The following ARFIP1 variants were observed in gnomAD, a reference collection of about 807,000 sequenced individuals.
ARFIP1 encodes the protein ARF interacting protein 1.
Under a neutral mutation model 42.5 loss-of-function variants are expected in ARFIP1, and 24 were observed. The ratio of observed to expected loss-of-function variants is 0.57; its 90% confidence interval spans 0.41 to 0.80. ARFIP1 has a LOEUF of 0.80. Among genes scored for constraint, ARFIP1 ranks in the 30% least tolerant of loss-of-function variants. ARFIP1 has a pLI of 0.00. For synonymous variants in ARFIP1, 141 were observed against 153.7 expected (o/e 0.92, Z 0.61); for missense variants, 354 against 434.0 (o/e 0.82, Z 1.64).
rs1734223843 is a variant in ARFIP1, at chr4:152,865,161, G to A, written c.202+1447G>A. ...TTCTGTATTTTTTTTTTTTAAAGAT[G>A]TAGTCTCACTCTGTTGCCCAGGCTG... On this transcript the variant is annotated intron_variant, in intron 3 of 8. Coordinates refer to ENST00000353617, the MANE Select transcript of ARFIP1 (RefSeq NM_001025595.3). Among the ~76,000 whole-genome samples the A allele has an allele frequency of 6.0e-5, 9 of 150,546 alleles. 1 individual carries two copies. In the South Asian group the frequency reaches 1.9e-3, roughly 32 times the overall value.
At chr4:152,864,896 G>A (rs1476432253) in intron 3 of ARFIP1, among the ~76,000 whole-genome samples, 1 of 136,914 alleles carries the variant, frequency 7.3e-6, no homozygotes, top group Non-Finnish European at 1.6e-5. Context: ...GCTTTTACTT[G>A]TGATAACTTT....
intron 1 of ARFIP1, among the ~76,000 whole-genome samples, chr4:152,803,212 A>G (rs1454726133): frequency 5.3e-5 from 8 of 152,126 alleles, no homozygotes; most frequent in Admixed American, 4.6e-4. Flanking sequence ...GTACTGAGAA[A>G]GTTTGCTGGA....
At chr4:152,908,235 C>A (rs766078620) in intron 8 of ARFIP1, among the ~76,000 whole-genome samples, 1 of 152,154 alleles carries the variant, frequency 6.6e-6, no homozygotes. Context: ...GATACACATT[C>A]TTTGCCAGTT....
intron 2 of ARFIP1, among the ~76,000 whole-genome samples, chr4:152,842,970 T>G (rs1449844189): frequency 1.3e-5 from 2 of 152,270 alleles, no homozygotes; most frequent in South Asian, 2.1e-4. Flanking sequence ...TGTGTGATTT[T>G]TTGGGGGGAT....
At chr4:152,783,128 G>T (rs1730601487) in intron 1 of ARFIP1, among the ~76,000 whole-genome samples, 1 of 152,106 alleles carries the variant, frequency 6.6e-6, no homozygotes, top group Non-Finnish European at 1.5e-5. Context: ...GGCCAACATG[G>T]TGAAACCCCA....
intron 1 of ARFIP1, chr4:152,796,569 C>T (rs1398745933): frequency 6.2e-6 from 5 of 803,624 alleles, no homozygotes; most frequent in Non-Finnish European, 1.1e-5. Context: ...CTCTGTCCTG[C>T]TGATAGGCAG....
At chr4:152,809,870 A>G (rs1729310812) in intron 1 of ARFIP1, 1 of 152,242 alleles carries the variant, frequency 6.6e-6, no homozygotes, top group Admixed American at 6.5e-5. Context: ...GCACTGGAGC[A>G]GTAGTCATGG....
At chr4:152,810,547 G>A (rs991162494) in intron 1 of ARFIP1, among the ~76,000 whole-genome samples, 4 of 151,932 alleles carry the variant, frequency 2.6e-5, no homozygotes, top group African/African-American at 9.7e-5. Context: ...GGTGGCTCAC[G>A]CCTGTAATGG....
At chr4:152,856,476 T>C (rs911855176) in intron 2 of ARFIP1, among the ~76,000 whole-genome samples, 1 of 152,202 alleles carries the variant, frequency 6.6e-6, no homozygotes, top group Non-Finnish European at 1.5e-5. Flanking sequence ...TTAAAAACAA[T>C]ATAGTATAAC....
In ARFIP1 at chr4:152,910,250, G is replaced by A. The variant is rs117074277; in HGVS notation, c.*31G>A. 3,612 of 1,604,412 alleles carry A rather than the reference G, an allele frequency of 2.3e-3. 13 individuals carry two copies. Among genetic ancestry groups the A allele is most frequent in the East Asian group, 0.011 (502 of 44,758 alleles). ...CAGCGGAAAATAAAAAGAAAGTCGC[G>A]TTGTTATATTTCTAAACCAACCTAA... On this transcript the variant is annotated 3_prime_UTR_variant, in exon 9 of 9. Coordinates refer to ENST00000353617, the MANE Select transcript of ARFIP1 (RefSeq NM_001025595.3).
At chr4:152,859,279 C>T (rs1046503565) in intron 2 of ARFIP1, among the ~76,000 whole-genome samples, 1 of 152,160 alleles carries the variant, frequency 6.6e-6, no homozygotes, top group Non-Finnish European at 1.5e-5. Context: ...CTAGGCTAGT[C>T]TCAAATTCCC....
intron 2 of ARFIP1, among the ~76,000 whole-genome samples, chr4:152,854,284 G>T (rs1733243602): frequency 6.6e-6 from 1 of 152,158 alleles, no homozygotes; most frequent in Admixed American, 6.5e-5. Flanking sequence ...TGTATTTCAA[G>T]CAATGAATTC....
intron 2 of ARFIP1, among the ~76,000 whole-genome samples, chr4:152,845,183 A>T (rs1034499554): frequency 6.6e-6 from 1 of 152,188 alleles, no homozygotes; most frequent in Non-Finnish European, 1.5e-5. Flanking sequence ...CTGGACTGCT[A>T]TCTTTCACCG....
intron 1 of ARFIP1, among the ~76,000 whole-genome samples, chr4:152,794,867 C>T (rs1017011307): frequency 2.0e-5 from 3 of 152,132 alleles, no homozygotes; most frequent in East Asian, 1.9e-4. Context: ...TTGCTGTATT[C>T]GTTCCAGCAT....
intron 8 of ARFIP1, among the ~76,000 whole-genome samples, chr4:152,895,997 T>C (rs1261806358): frequency 2.6e-5 from 4 of 151,690 alleles, no homozygotes; most frequent in Admixed American, 2.6e-4. Context: ...CTGTGGTAAG[T>C]GTGATGAAGG....
chr4:152,824,800 C>G (rs1198940810), intron 1 of ARFIP1, among the ~76,000 whole-genome samples: 7 of 152,156 alleles, frequency 4.6e-5, no homozygotes, highest in Admixed American at 4.6e-4. Context: ...CCTAAGGACT[C>G]CTCCAGAAGA....
At chr4:152,858,494 T>A (rs1004765979) in intron 2 of ARFIP1, among the ~76,000 whole-genome samples, 1 of 152,220 alleles carries the variant, frequency 6.6e-6, no homozygotes, top group African/African-American at 2.4e-5. Flanking sequence ...GTACCTTATC[T>A]CTTTCTCTGA....
intron 2 of ARFIP1, among the ~76,000 whole-genome samples, chr4:152,859,641 T>G (rs976775999): frequency 6.6e-6 from 1 of 152,102 alleles, no homozygotes; most frequent in Non-Finnish European, 1.5e-5. Context: ...TTAATGATCT[T>G]CCAGCTGGGC....
At chr4:152,847,124 C>CTTTT (rs771661005) in intron 2 of ARFIP1, among the ~76,000 whole-genome samples, 623 of 40,514 alleles carry the variant, frequency 0.015, 151 homozygotes, top group Non-Finnish European at 0.018. Flanking sequence ...TAGGTTTGTT[C>CTTTT]TTTTTTTTTT....
Sources: gnomAD v4.1 joint callset for allele counts (sites outside exome capture counted in the v4.1 genomes callset) on GRCh38, gnomAD v4.1.1 for gene constraint, MANE v1.5 for transcripts, NCBI Gene and HGNC (gene_info 2026-07-23, HGNC 2026-07-21) for gene names.